Variants in RIF1 observed in about 807,000 individuals in gnomAD.
The protein encoded by RIF1 is replication timing regulatory factor 1.
In RIF1, 45 loss-of-function variants were observed where a neutral mutation model predicts 247.1. That is an observed-to-expected ratio of 0.18 (90% CI 0.14 to 0.23). The LOEUF (loss-of-function observed/expected upper bound fraction) is 0.23. Among genes scored for constraint, RIF1 ranks in the 10% least tolerant of loss-of-function variants. The pLI is 1.00. For missense variants in RIF1, 2,967 were observed against 2,862.5 expected (o/e 1.04, Z -0.83); for synonymous variants, 1,087 against 978.8 (o/e 1.11, Z -2.06).
chr2:151,472,240 A>C (rs543459007), intron 34 of RIF1, among the ~76,000 whole-genome samples: 5 of 152,198 alleles, frequency 3.3e-5, no homozygotes, highest in Non-Finnish European at 5.9e-5. Flanking sequence ...GACTTTGCTG[A>C]AGTTGCTTAT....
intron 21 of RIF1, among the ~76,000 whole-genome samples, chr2:151,453,666 A>C (rs899823688): frequency 5.3e-5 from 8 of 151,744 alleles, no homozygotes; most frequent in African/African-American, 1.7e-4. Context: ...GATTAGATTC[A>C]GGGTCCATTC....
At chr2:151,484,243 G>A (rs1036068348), downstream of RIF1, among the ~76,000 whole-genome samples, 9 of 152,174 alleles carry the variant, frequency 5.9e-5, no homozygotes, top group Non-Finnish European at 1.5e-5. Context: ...GTTGTTCTTT[G>A]CAATAGCACC....
chr2:151,468,703 G>A lies in RIF1; in HGVS notation c.6888G>A (p.Val2296=), dbSNP rs1697339579. ...CAGAAAGTGTTTACCCACCATTGGTGAACTGTGTGGCACCAGTTGACATCA... is the reference window on the plus strand; with the variant it reads ...CAGAAAGTGTTTACCCACCATTGGTAAACTGTGTGGCACCAGTTGACATCA... ...CPTESVYPPL[V]NCVAPVDIIL... is the part of the protein sequence containing the mutation. The change falls in exon 33 of 36, where the codon GTG becomes GTA. Residue 2296 remains valine (V), a synonymous_variant. Coordinates refer to ENST00000444746, the MANE Select transcript of RIF1 (RefSeq NM_018151.5). 1.2e-6 allele frequency: 2 copies of A among 1,613,858 alleles called. No homozygotes were observed. The highest frequency in any genetic ancestry group is 1.7e-6 in the Non-Finnish European group (2 of 1,179,880).
chr2:151,531,896 T>C, the RIF1 span: 10 of 1,540,302 alleles, frequency 6.5e-6, no homozygotes, highest in Non-Finnish European at 8.8e-6. Context: ...CTGTATTTGA[T>C]CTAAATTGTG....
chr2:151,419,945 G>A (rs1203147727), intron 6 of RIF1, among the ~76,000 whole-genome samples: 1 of 152,160 alleles, frequency 6.6e-6, no homozygotes, highest in East Asian at 1.9e-4. Context: ...ATCCCCCAGG[G>A]ATACTGAGGG....
the RIF1 span, among the ~76,000 whole-genome samples, chr2:151,528,848 G>A: frequency 6.6e-6 from 1 of 152,186 alleles, no homozygotes; most frequent in Non-Finnish European, 1.5e-5. Flanking sequence ...GAAGCAGATT[G>A]TAGAGTTTGA....
the RIF1 span, chr2:151,519,016 C>A: frequency 6.2e-7 from 1 of 1,613,728 alleles, no homozygotes; most frequent in East Asian, 2.2e-5. Flanking sequence ...TCAGAGACTC[C>A]TTCATGTCAG....
chr2:151,513,456 A>G, the RIF1 span: 1 of 691,840 alleles, frequency 1.4e-6, no homozygotes, highest in Non-Finnish European at 2.4e-6. Flanking sequence ...CTCCAGGCAG[A>G]TGTTCAAGAA....
chr2:151,425,958 C>T (rs993667864), intron 8 of RIF1, among the ~76,000 whole-genome samples: 11 of 151,004 alleles, frequency 7.3e-5, no homozygotes, highest in South Asian at 6.3e-4. Flanking sequence ...GGATTGCAGG[C>T]GTGAGCCACC....
At chr2:151,516,434 G>T in the RIF1 span, 1 of 1,467,432 alleles carries the variant, frequency 6.8e-7, no homozygotes, top group Non-Finnish European at 9.5e-7. Flanking sequence ...GATCATTGTT[G>T]TGTGGTGTGG....
chr2:151,529,234 C>G, the RIF1 span: 1 of 1,612,982 alleles, frequency 6.2e-7, no homozygotes, highest in Non-Finnish European at 8.5e-7. Flanking sequence ...TGTAGGCGTC[C>G]TTGGCTGCTT....
At chr2:151,488,478 C>CAAA (rs567755362) in intron 9 of RIF1, among the ~76,000 whole-genome samples, 3 of 95,754 alleles carry the variant, frequency 3.1e-5, no homozygotes, top group African/African-American at 7.7e-5. Context: ...GAGCCTCTAC[C>CAAA]AAAAAAAAAA....
At chr2:151,534,080 G>T in the RIF1 span, 1 of 678,526 alleles carries the variant, frequency 1.5e-6, no homozygotes, top group Non-Finnish European at 2.5e-6. Flanking sequence ...TGGGTGGCTA[G>T]ACAGATACTT....
chr2:151,442,217 A>G (rs1357607903), intron 16 of RIF1, among the ~76,000 whole-genome samples: 2 of 151,790 alleles, frequency 1.3e-5, no homozygotes, highest in Non-Finnish European at 2.9e-5. Context: ...CTGGGATTAC[A>G]GGCATGTGCC....
At position 151,474,837 on chromosome 2, in the gene RIF1, G is replaced by GTTT; in HGVS notation, c.7205-12_7205-10dup. 1 of 1,218,298 alleles carries GTTT rather than the reference G, an allele frequency of 8.2e-7. No homozygotes were observed. Among genetic ancestry groups the GTTT allele is most frequent in the Non-Finnish European group, 1.2e-6 (1 of 864,030 alleles). The allele number at this position is 1,218,298 out of a possible 1,614,324, so 75.5% of individuals were successfully genotyped here. A position where few individuals can be genotyped will look rare whatever the true frequency, so the allele number is the denominator to read the frequency against. On this transcript the variant is annotated intron_variant, in intron 35 of 35. Transcript: ENST00000444746. ...TTTGTCTGGTATAGATTTAATTGTG[G>GTTT]TTTTTTTTTTCTCTTTTAGATATAA...
rs371919489 is a variant in RIF1, at chr2:151,461,210, G to A, written c.3148G>A (p.Val1050Met). Residue 1050 changes from valine (V) to methionine (M), a missense_variant, in exon 27 of 36, where the codon GTG (valine) becomes ATG (methionine). By Grantham distance (21) the Val-to-Met change is conservative. Transcript: ENST00000444746. Reference sequence around the variant, plus strand: ...GGAAGAGGAAAAGTCTACTGACTTTGTGTTTATACCTCCAGAAGGAAAAGA... The same window carrying A: ...GGAAGAGGAAAAGTCTACTGACTTTATGTTTATACCTCCAGAAGGAAAAGA... Reference protein sequence around the residue: ...LLEEEKSTDFVFIPPEGKDAK... With the variant: ...LLEEEKSTDFMFIPPEGKDAK... The A allele has an allele frequency of 6.2e-7, 1 of 1,612,588 alleles. No homozygotes were observed.
rs928603766 is a variant in RIF1 at position 151,492,091 on chromosome 2, C to T, written c.*416-3138C>T. 3.1e-6 allele frequency: 5 copies of T among 1,613,506 alleles called. No homozygotes were observed. Among genetic ancestry groups the T allele is most frequent in the Non-Finnish European group, 4.2e-6 (5 of 1,179,618 alleles). ...TTAATCCCCTCCCCCAACCCAGGCT[C>T]AGTTACCTGTAATAGTCTCCTGATC... On this transcript the variant is annotated intron_variant and NMD_transcript_variant, in intron 9 of 13. Coordinates refer to the RIF1 transcript ENST00000454583.
rs750730842 is a variant in RIF1, at chr2:151,462,507, C to T, written c.3363+41C>T. The T allele has an allele frequency of 5.4e-6, 7 of 1,301,942 alleles. No homozygotes were observed. In the Admixed American group the frequency reaches 1.0e-4, roughly 19 times the overall value. 80.6% of individuals were successfully genotyped at this position (1,301,942 alleles called of 1,614,324 possible). On this transcript the variant is annotated intron_variant, in intron 29 of 35. Transcript: ENST00000444746. The stretch of plus-strand genomic sequence containing the variant: ...CATATTTTGGGCTTTTTAGAATCAC[C>T]CTTCCATTATACAGTCTGTTAAACT...
chr2:151,414,487 T>C (rs975969385), intron 3 of RIF1, among the ~76,000 whole-genome samples: 1 of 152,160 alleles, frequency 6.6e-6, no homozygotes, highest in Admixed American at 6.5e-5. Context: ...TGGATTTGAG[T>C]CTCTTGTTTA....
Sources: allele counts gnomAD v4.1 joint callset (sites outside exome capture counted in the v4.1 genomes callset), GRCh38; gene constraint gnomAD v4.1.1; transcripts MANE v1.5; gene names NCBI Gene and HGNC (gene_info 2026-07-23, HGNC 2026-07-21).